The following NAV2 variants were observed in gnomAD, a reference collection of about 807,000 sequenced individuals.
The protein encoded by NAV2 is neuron navigator 2.
A neutral mutation model predicts 223.2 loss-of-function variants in NAV2; 54 were observed. The observed-to-expected ratio is 0.24, with a 90% CI of 0.19 to 0.30. The LOEUF is 0.30. NAV2 is among the 10% of genes least tolerant of loss of function. The pLI, the probability that NAV2 is intolerant of heterozygous loss-of-function variation, is 1.00. For missense variants in NAV2, 2,806 were observed against 3,147.5 expected (o/e 0.89, Z 2.60); for synonymous variants, 1,279 against 1,239.3 (o/e 1.03, Z -0.67).
chr11:19,886,141 CTAA>C (rs969986884), intron 5 of NAV2, among the ~76,000 whole-genome samples: 1 of 144,736 alleles, frequency 6.9e-6, no homozygotes, highest in Admixed American at 6.9e-5. Context: ...CCATACCCAG[CTAA>C]TTTTTTTTTT....
intron 1 of NAV2, among the ~76,000 whole-genome samples, chr11:19,542,424 T>C (rs2044364915): frequency 6.6e-6 from 1 of 152,230 alleles, no homozygotes; most frequent in South Asian, 2.1e-4. Context: ...CAGTAAATGA[T>C]GGAGTCAGTG....
rs1445575682 is a variant in NAV2, at chr11:19,579,646, AAG to A, written c.75+228622_75+228623del. 2.6e-5 allele frequency among the ~76,000 whole-genome samples: 4 copies of A among 152,364 alleles called. No individual in the cohort carries two copies. The South Asian group carries it at 6.2e-4, about 24-fold the overall frequency. ...GACACTTCGTTGTAAGGCAATAAGAAAGAGTAAATGCAATGATATGTGTTAGG... is the reference window on the plus strand; with the variant it reads ...GACACTTCGTTGTAAGGCAATAAGAAAGTAAATGCAATGATATGTGTTAGG... On this transcript the variant is annotated intron_variant, in intron 1 of 37. Coordinates refer to the NAV2 transcript ENST00000360655.
intron 1 of NAV2, among the ~76,000 whole-genome samples, chr11:19,580,262 T>C (rs2045678991): frequency 6.6e-6 from 1 of 152,084 alleles, no homozygotes; most frequent in Non-Finnish European, 1.5e-5. Context: ...GATTGTCCTG[T>C]AGCCAGATTG....
At chr11:19,626,439 T>C (rs2047174062) in intron 1 of NAV2, among the ~76,000 whole-genome samples, 1 of 152,220 alleles carries the variant, frequency 6.6e-6, no homozygotes, top group African/African-American at 2.4e-5. Flanking sequence ...AGCTCTGTAG[T>C]ATATTTTGAA....
At chr11:19,776,676 G>GTC (rs61624701) in intron 1 of NAV2, among the ~76,000 whole-genome samples, 1 of 147,678 alleles carries the variant, frequency 6.8e-6, no homozygotes. Context: ...GTGTGTGTGT[G>GTC]GTTAGAGTTG....
At chr11:19,886,874 C>T (rs1390003603) in intron 5 of NAV2, among the ~76,000 whole-genome samples, 1 of 152,138 alleles carries the variant, frequency 6.6e-6, no homozygotes, top group African/African-American at 2.4e-5. Flanking sequence ...GTGTCATATC[C>T]CCTACTTAGA....
rs755831741 is a variant in NAV2 at position 19,931,357 on chromosome 11, TA to T, written c.932-1818del. Among the ~76,000 whole-genome samples, 211 of 152,200 alleles carry T rather than the reference TA, an allele frequency of 1.4e-3. 1 individual carries two copies. Among genetic ancestry groups the T allele is most frequent in the Non-Finnish European group, 7.8e-4 (53 of 67,986 alleles). On this transcript the variant is annotated intron_variant, in intron 6 of 37. Coordinates refer to ENST00000349880, the MANE Select transcript of NAV2 (RefSeq NM_145117.5). ...CCAAATCCCCAGTAAGTCAGGAAGA[TA>T]TATGTGTTTTAAAACATTGGGAGGT...
chr11:19,352,386 A>C (rs1853377218), intron 1 of NAV2, among the ~76,000 whole-genome samples: 1 of 152,258 alleles, frequency 6.6e-6, no homozygotes, highest in African/African-American at 2.4e-5. Flanking sequence ...CACTGTAGAC[A>C]ATTTTAATTG....
At chr11:19,779,865 C>A (rs1293678531) in intron 1 of NAV2, among the ~76,000 whole-genome samples, 2 of 152,120 alleles carry the variant, frequency 1.3e-5, no homozygotes, top group African/African-American at 4.8e-5. Context: ...TCATTAGTAG[C>A]CCTCAGCAGG....
At chr11:19,899,979 T>C (rs1425423093) in intron 6 of NAV2, among the ~76,000 whole-genome samples, 2 of 152,152 alleles carry the variant, frequency 1.3e-5, no homozygotes, top group African/African-American at 2.4e-5. Context: ...CTGGAGCTAT[T>C]ATCCCAGGCC....
intron 10 of NAV2, among the ~76,000 whole-genome samples, chr11:19,958,458 G>A (rs1016275493): frequency 1.2e-4 from 18 of 152,182 alleles, no homozygotes; most frequent in African/African-American, 4.1e-4. Flanking sequence ...CTTGTGTTGG[G>A]ACACAAACAC....
At chr11:20,017,974 C>G (rs1403523933) in intron 11 of NAV2, among the ~76,000 whole-genome samples, 3 of 152,102 alleles carry the variant, frequency 2.0e-5, no homozygotes, top group Non-Finnish European at 4.4e-5. Flanking sequence ...CCCTTTCTCT[C>G]TTTGTTCTGT....
intron 1 of NAV2, among the ~76,000 whole-genome samples, chr11:19,400,091 C>T (rs943353397): frequency 3.3e-5 from 5 of 152,118 alleles, no homozygotes; most frequent in South Asian, 4.1e-4. Context: ...GTAAGTCTTT[C>T]GGGGAGTTGT....
chr11:19,454,846 T>A (rs537882094), intron 1 of NAV2, among the ~76,000 whole-genome samples: 1 of 152,282 alleles, frequency 6.6e-6, no homozygotes, highest in South Asian at 2.1e-4. Flanking sequence ...GAGAACAGCA[T>A]GTACAAAGGT....
intron 1 of NAV2, among the ~76,000 whole-genome samples, chr11:19,604,591 G>A: frequency 6.6e-6 from 1 of 152,144 alleles, no homozygotes; most frequent in Non-Finnish European, 1.5e-5. Context: ...GCCAGGCAAT[G>A]CTCTAACTAC....
chr11:20,095,894 A>G lies in NAV2; in HGVS notation c.6012+127A>G, dbSNP rs1011815697. The G allele has an allele frequency of 5.0e-5, 36 of 726,164 alleles. No homozygotes were observed. In the Admixed American group the frequency reaches 7.3e-4, roughly 15 times the overall value. 45.0% of individuals were successfully genotyped at this position (726,164 alleles called of 1,614,324 possible). A position where few individuals can be genotyped will look rare whatever the true frequency, so the allele number is the denominator to read the frequency against. ...GACCTGTCCCCTTCCCTACATGTTA[A>G]TGTTGCTGGAACTTGTTCCCTGGCT... On this transcript the variant is annotated intron_variant, in intron 30 of 37. Coordinates refer to ENST00000349880, the MANE Select transcript of NAV2 (RefSeq NM_145117.5).
At chr11:20,115,337 G>A (rs1010442863) in intron 37 of NAV2, among the ~76,000 whole-genome samples, 4 of 152,018 alleles carry the variant, frequency 2.6e-5, no homozygotes, top group African/African-American at 7.2e-5. Flanking sequence ...AAACAATAAA[G>A]GCCCTTTAAG....
At position 19,939,760 on chromosome 11, in the gene NAV2, G is replaced by A. The variant is rs762434991; in HGVS notation, c.2133G>A (p.Leu711=). The part of the protein sequence containing the change: ...SHFTKTGQPA[L]EELTGEDPEA... ...TCACCAAGACTGGACAGCCTGCTCT[G>A]GAAGAACTCACTGGTGAGTATGGAG... Residue 711 remains leucine (L), a synonymous_variant, in exon 8 of 38, where the codon CTG becomes CTA. Transcript: ENST00000349880. 6.2e-7 allele frequency: 1 copy of A among 1,613,918 alleles called. No individual in the cohort carries two copies. The highest frequency in any genetic ancestry group is 8.5e-7 in the Non-Finnish European group (1 of 1,179,852).
chr11:19,505,241 G>C (rs12418870), intron 1 of NAV2: 18 of 152,068 alleles, frequency 1.2e-4, no homozygotes, highest in Non-Finnish European at 2.4e-4. Context: ...CCACATACCT[G>C]AGACTGCCAT....
Sources: allele counts gnomAD v4.1 joint callset (sites outside exome capture counted in the v4.1 genomes callset), GRCh38; gene constraint gnomAD v4.1.1; transcripts MANE v1.5; gene names NCBI Gene and HGNC (gene_info 2026-07-23, HGNC 2026-07-21).